The following CADPS variants were observed in gnomAD, a reference collection of about 807,000 sequenced individuals.
CADPS encodes the protein calcium dependent secretion activator, also known as calcium-dependent secretion activator 1.
In CADPS, 57 loss-of-function variants were observed where a neutral mutation model predicts 167.3. The ratio of observed to expected loss-of-function variants is 0.34; its 90% CI spans 0.28 to 0.42. The LOEUF is 0.42. Among genes scored for constraint, CADPS ranks in the 20% least tolerant of loss-of-function variants. The pLI, the probability that CADPS is intolerant of heterozygous loss-of-function variation, is 1.00. For synonymous variants in CADPS, 676 were observed against 635.3 expected (o/e 1.06, Z -0.96); for missense variants, 1,414 against 1,738.1 (o/e 0.81, Z 3.32).
Position 62,708,631 on chromosome 3 carries a change from G to A in CADPS, c.888+44810C>T, listed in dbSNP as rs182239209. Among the ~76,000 whole-genome samples, 231 of 152,112 alleles carry A rather than the reference G, an allele frequency of 1.5e-3. 2 individuals carry two copies. Among genetic ancestry groups the A allele is most frequent in the South Asian group, 7.3e-3 (35 of 4,824 alleles). The stretch of plus-strand genomic sequence containing the variant: ...AGGGTAAAACACGAAGATGGGCTGA[G>A]TTGGGGAATGTAGAAATCTGTAGGA... On this transcript the variant is annotated intron_variant, in intron 3 of 29. Transcript: ENST00000383710.
chr3:62,592,871 C>T lies in CADPS; in HGVS notation c.1326-123G>A, dbSNP rs1578387631. The T allele has an allele frequency of 5.2e-6, 3 of 576,784 alleles. No individual in the cohort carries two copies. In the East Asian group the frequency reaches 8.5e-5, roughly 16 times the overall value. The allele number at this position is 576,784 out of a possible 1,614,324, so 35.7% of individuals were successfully genotyped here. A position where few individuals can be genotyped will look rare whatever the true frequency, so the allele number is the denominator to read the frequency against. On this transcript the variant is annotated intron_variant, in intron 6 of 29. Transcript: ENST00000383710. ...AAGGCAGCATTAGCTGTCACATCCT[C>T]TTCTCCTCCCCTTCAAAGCTGCCAG...
chr3:62,732,725 G>A (rs969078484), intron 3 of CADPS, among the ~76,000 whole-genome samples: 1 of 152,206 alleles, frequency 6.6e-6, no homozygotes, highest in African/African-American at 2.4e-5. Flanking sequence ...CTCATAGAGG[G>A]AATGCTGCAC....
chr3:62,802,186 G>A (rs1245470949), intron 1 of CADPS, among the ~76,000 whole-genome samples: 1 of 152,142 alleles, frequency 6.6e-6, no homozygotes, highest in Non-Finnish European at 1.5e-5. Context: ...ATTATGGAGT[G>A]TGGACAGTGC....
At chr3:62,764,297 C>T (rs1199148737) in intron 2 of CADPS, among the ~76,000 whole-genome samples, 1 of 152,132 alleles carries the variant, frequency 6.6e-6, no homozygotes, top group Non-Finnish European at 1.5e-5. Context: ...CACTGTGATT[C>T]CAAATCTCAT....
rs1163101816 is a variant in CADPS at position 62,544,452 on chromosome 3, C to T, written c.1966+5451G>A. On this transcript the variant is annotated intron_variant, in intron 11 of 29. Transcript: ENST00000383710. This position sits in a 1 kb window ranked among gnomAD's most constrained non-coding sequence, Gnocchi z 4.4. ...ACAACAACAACAACAACAACAACAG[C>T]ACATTATCAGAGTGCAAAATGATCT... 6.6e-6 allele frequency among the ~76,000 whole-genome samples: 1 copy of T among 152,048 alleles called. No individual in the cohort carries two copies. Among genetic ancestry groups the T allele is most frequent in the Non-Finnish European group, 1.5e-5 (1 of 68,000 alleles).
At chr3:62,522,349 G>A (rs1355489322) in intron 13 of CADPS, among the ~76,000 whole-genome samples, 2 of 152,072 alleles carry the variant, frequency 1.3e-5, no homozygotes, top group Admixed American at 1.3e-4. Flanking sequence ...ATGTTGCCCA[G>A]GCTGGTCTCT....
At chr3:62,675,160 A>G (rs1995648) in intron 3 of CADPS, among the ~76,000 whole-genome samples, 149,873 of 152,202 alleles carry the variant, frequency 0.98, 73,821 homozygotes, top group Middle Eastern at 1. Flanking sequence ...CTCAACATGT[A>G]GCTTTCAGGC....
chr3:62,782,987 T>G (rs2091917840), intron 1 of CADPS, among the ~76,000 whole-genome samples: 1 of 152,172 alleles, frequency 6.6e-6, no homozygotes, highest in Non-Finnish European at 1.5e-5. Context: ...CTCAAACTCC[T>G]GACCTCAGGT....
At chr3:62,676,270 A>C (rs10510884) in intron 3 of CADPS, among the ~76,000 whole-genome samples, 19,954 of 152,138 alleles carry the variant, frequency 0.13, 1,467 homozygotes, top group Middle Eastern at 0.21. Context: ...AATGATTTTC[A>C]GGTTAATATC....
At chr3:62,515,196 T>G (rs2068694844) in intron 16 of CADPS, among the ~76,000 whole-genome samples, 1 of 152,104 alleles carries the variant, frequency 6.6e-6, no homozygotes, top group African/African-American at 2.4e-5. Flanking sequence ...TTTAGTCAGG[T>G]GTCATGTTTC....
At chr3:62,824,057 CAA>C (rs1215132763) in intron 1 of CADPS, among the ~76,000 whole-genome samples, 1 of 149,026 alleles carries the variant, frequency 6.7e-6, no homozygotes, top group Admixed American at 6.8e-5. Context: ...AGGATTTGGA[CAA>C]AAAAACAAAT....
intron 3 of CADPS, among the ~76,000 whole-genome samples, chr3:62,738,338 G>C (rs1008040756): frequency 2.0e-5 from 3 of 152,120 alleles, no homozygotes; most frequent in Non-Finnish European, 4.4e-5. Context: ...TAACAAACTA[G>C]TGACTCTCAA....
intron 26 of CADPS, among the ~76,000 whole-genome samples, chr3:62,452,189 C>T (rs2058144402): frequency 6.6e-6 from 1 of 152,174 alleles, no homozygotes; most frequent in Admixed American, 6.5e-5. Context: ...TAGGCATGAT[C>T]AGTTCAAAAG....
intron 1 of CADPS, among the ~76,000 whole-genome samples, chr3:62,865,086 C>T (rs543632416): frequency 3.0e-3 from 456 of 152,236 alleles, no homozygotes; most frequent in African/African-American, 0.011. Context: ...GCCTTATAGA[C>T]AACAGTTGCT....
At chr3:62,474,096 A>T in intron 24 of CADPS, 77 bp downstream of exon 24, 2 of 1,041,750 alleles carry the variant, frequency 1.9e-6, no homozygotes, top group Non-Finnish European at 2.7e-6. Flanking sequence ...GGGTAGATGG[A>T]AGGAATTTGT....
intron 3 of CADPS, among the ~76,000 whole-genome samples, chr3:62,677,785 G>T (rs543723726): frequency 4.9e-4 from 74 of 152,100 alleles, no homozygotes; most frequent in African/African-American, 1.7e-3. Context: ...ATTACCAGCT[G>T]GGCTAAGATC....
intron 6 of CADPS, among the ~76,000 whole-genome samples, chr3:62,635,855 T>G (rs945284756): frequency 2.0e-5 from 3 of 152,180 alleles, no homozygotes; most frequent in African/African-American, 7.2e-5. Context: ...TAGCTCTGAA[T>G]CAACCAACAT....
chr3:62,744,502 A>G (rs917588709), intron 3 of CADPS, among the ~76,000 whole-genome samples: 1 of 152,206 alleles, frequency 6.6e-6, no homozygotes, highest in African/African-American at 2.4e-5. Context: ...AAAAATTCAA[A>G]TTATTAGCAT....
At chr3:62,550,172 G>T in intron 10 of CADPS, 57 bp from the exon 11 acceptor site, 1 of 1,423,378 alleles carries the variant, frequency 7.0e-7, no homozygotes, top group Non-Finnish European at 9.9e-7. Context: ...TTCTCAACTG[G>T]ACTCAGCCTT....
Sources: allele counts gnomAD v4.1 joint callset (sites outside exome capture counted in the v4.1 genomes callset), GRCh38; gene constraint gnomAD v4.1.1; non-coding constraint Gnocchi (gnomAD v3.1); transcripts MANE v1.5; gene names NCBI Gene and HGNC (gene_info 2026-07-23, HGNC 2026-07-21).